Variants in ACKR2 observed in about 807,000 individuals in gnomAD.
The protein encoded by ACKR2 is C-C chemokine receptor D6.
For missense variants in ACKR2, 457 were observed against 477.3 expected (o/e 0.96, Z 0.40); for synonymous variants, 207 against 192.2 (o/e 1.08, Z -0.64).
chr3:42,825,882 A>T (rs1221603655), intron 2 of ACKR2, among the ~76,000 whole-genome samples: 2 of 126,594 alleles, frequency 1.6e-5, no homozygotes. Context: ...TTTTTTGTAG[A>T]TACCATTAAT....
At chr3:42,860,171 A>AG (rs2088368066) in intron 2 of ACKR2, among the ~76,000 whole-genome samples, 1 of 133,422 alleles carries the variant, frequency 7.5e-6, no homozygotes, top group Non-Finnish European at 1.6e-5. Context: ...AAGCAAAAAA[A>AG]AAAAAAAAAA....
chr3:42,838,831 A>C (rs1403369012), intron 2 of ACKR2, among the ~76,000 whole-genome samples: 1 of 152,224 alleles, frequency 6.6e-6, no homozygotes, highest in Non-Finnish European at 1.5e-5. Context: ...GAATGGATTA[A>C]ACTGTGGTGC....
In ACKR2 at chr3:42,811,476, A is replaced by G. The variant is rs1700693804; in HGVS notation, c.-119+1944A>G. On this transcript the variant is annotated intron_variant, in intron 1 of 2. Coordinates refer to ENST00000422265, the MANE Select transcript of ACKR2 (RefSeq NM_001296.5). ...TCTCGATTAACCAGGGGCATAACGA[A>G]CTGCGGAAAGCCGCAGGGACCTCTG... Among the ~76,000 whole-genome samples, 3 of 152,208 alleles carry G rather than the reference A, an allele frequency of 2.0e-5. No homozygotes were observed. In the South Asian group the frequency reaches 6.2e-4, roughly 32 times the overall value.
At chr3:42,849,801 G>A (rs967130159) in intron 2 of ACKR2, among the ~76,000 whole-genome samples, 4 of 152,090 alleles carry the variant, frequency 2.6e-5, no homozygotes, top group African/African-American at 9.7e-5. Flanking sequence ...CATTCAGTTT[G>A]GTTACAGTTC....
chr3:42,834,575 A>AATTT (rs1214863517), intron 2 of ACKR2: 1 of 151,594 alleles, frequency 6.6e-6, no homozygotes, highest in Non-Finnish European at 1.5e-5. Context: ...TTAATTAATT[A>AATTT]ATTTATTTAT....
At chr3:42,810,407 A>AC (rs71941559) in intron 1 of ACKR2, among the ~76,000 whole-genome samples, 4,479 of 145,738 alleles carry the variant, frequency 0.031, 87 homozygotes, top group Middle Eastern at 0.062. Flanking sequence ...AATTCATAGT[A>AC]CCCCCCCCCA....
chr3:42,834,054 C>CGG (rs1700960159), intron 2 of ACKR2, among the ~76,000 whole-genome samples: 2 of 152,186 alleles, frequency 1.3e-5, no homozygotes, highest in African/African-American at 4.8e-5. Context: ...CCTCCACCTT[C>CGG]TAGGTTCAAG....
intron 1 of ACKR2, among the ~76,000 whole-genome samples, chr3:42,814,029 T>C (rs765569355): frequency 1.3e-5 from 2 of 152,184 alleles, no homozygotes; most frequent in Non-Finnish European, 2.9e-5. Flanking sequence ...TTGTTGCCTG[T>C]TTGTGGGAGA....
chr3:42,859,667 C>T (rs537708630), intron 2 of ACKR2, among the ~76,000 whole-genome samples: 14 of 152,114 alleles, frequency 9.2e-5, no homozygotes, highest in South Asian at 4.2e-4. Context: ...AGACGTGAGC[C>T]GCCGCGCCTG....
At chr3:42,845,831 A>C (rs915987884) in intron 2 of ACKR2, among the ~76,000 whole-genome samples, 17 of 149,080 alleles carry the variant, frequency 1.1e-4, no homozygotes, top group Middle Eastern at 3.2e-3. Context: ...CCTGGGCGAC[A>C]GAGCAAGACT....
At chr3:42,835,749 G>A (rs977370616) in intron 2 of ACKR2, 3 of 152,102 alleles carry the variant, frequency 2.0e-5, no homozygotes, top group African/African-American at 7.3e-5. Flanking sequence ...TTTTTCCTTG[G>A]CTGCATTAAA....
At chr3:42,848,891 C>T (rs754278386) in intron 2 of ACKR2, among the ~76,000 whole-genome samples, 1 of 152,148 alleles carries the variant, frequency 6.6e-6, no homozygotes, top group Non-Finnish European at 1.5e-5. Context: ...CCAAAATACA[C>T]AACCTCAGTC....
chr3:42,865,520 GC>G lies in ACKR2; in HGVS notation c.1021del (p.Gln341ArgfsTer19), dbSNP rs1287881369. On this transcript the variant is annotated frameshift_variant, in exon 3 of 3. Coordinates refer to ENST00000422265, the MANE Select transcript of ACKR2 (RefSeq NM_001296.5). LOFTEE classifies it low-confidence loss of function (END_TRUNC). ...VLGWHLAPGTAQASLSSCSES... is the reference protein window; with the variant it reads ...VLGWHLAPGTXQASLSSCSES... ...TGGATGGCACCTGGCACCTGGCACT[GC>G]CCAGGCCTCATTATCCAGCTGTTCT... 1 of 1,614,118 alleles carries G rather than the reference GC, an allele frequency of 6.2e-7. No individual in the cohort carries two copies.
intron 2 of ACKR2, among the ~76,000 whole-genome samples, chr3:42,821,929 C>T (rs981960783): frequency 2.6e-5 from 4 of 152,008 alleles, no homozygotes; most frequent in Non-Finnish European, 4.4e-5. Context: ...ATCTCCTGAC[C>T]TCGTGATCCG....
intron 2 of ACKR2, among the ~76,000 whole-genome samples, chr3:42,839,933 T>C (rs1701019557): frequency 6.6e-6 from 1 of 152,074 alleles, no homozygotes; most frequent in African/African-American, 2.4e-5. Flanking sequence ...GCAGCTAATT[T>C]TGGGTGTGGG....
Position 42,865,262 on chromosome 3 carries a change from G to A in ACKR2, c.760G>A (p.Ala254Thr), listed in dbSNP as rs555778861. 6.2e-7 allele frequency: 1 copy of A among 1,614,218 alleles called. No homozygotes were observed. The highest frequency in any genetic ancestry group is 2.2e-5 in the East Asian group (1 of 44,878). Residue 254 changes from alanine to threonine, a missense_variant, in exon 3 of 3, where the codon GCC becomes ACC. Physicochemically the swap from Ala to Thr is moderately conservative, Grantham distance 58. Coordinates refer to ENST00000422265, the MANE Select transcript of ACKR2 (RefSeq NM_001296.5). ...GQGRALKIAAALVVAFFVLWF... is the reference protein window; with the variant it reads ...GQGRALKIAATLVVAFFVLWF... The stretch of plus-strand genomic sequence containing the variant: ...GGGCCGGGCTTTAAAAATAGCTGCA[G>A]CCTTGGTGGTGGCCTTCTTCGTGCT...
chr3:42,865,388 G>A lies in ACKR2; in HGVS notation c.886G>A (p.Val296Ile). The A allele has an allele frequency of 6.2e-7, 1 of 1,614,158 alleles. No individual in the cohort carries two copies. Among genetic ancestry groups the A allele is most frequent in the Non-Finnish European group, 8.5e-7 (1 of 1,180,030 alleles). The change falls in exon 3 of 3, where the codon GTA becomes ATA. Residue 296 changes from valine to isoleucine, a missense_variant. By Grantham distance (29) the Val-to-Ile change is conservative. Transcript: ENST00000422265. Reference protein sequence around the residue: ...VSQHLDYALQVTESIAFLHCC... With the variant: ...VSQHLDYALQITESIAFLHCC... ...CCAGCATCTAGACTACGCACTCCAG[G>A]TAACAGAGAGCATCGCCTTCCTTCA...
In ACKR2 at chr3:42,856,409, C is replaced by A. The variant is rs923705735; in HGVS notation, c.-37-8057C>A. ...TGAATAGTTCCATCAGCCATGAGAT[C>A]ATGGTATCATAGATACTTTGGGTCA... On this transcript the variant is annotated intron_variant, in intron 2 of 2. Coordinates refer to ENST00000422265, the MANE Select transcript of ACKR2 (RefSeq NM_001296.5). 15 of 702,654 alleles carry A rather than the reference C, an allele frequency of 2.1e-5. No individual in the cohort carries two copies. The Admixed American group carries it at 3.0e-4, about 14-fold the overall frequency. The allele number at this position is 702,654 out of a possible 1,614,324, so 43.5% of individuals were successfully genotyped here.
intron 2 of ACKR2, among the ~76,000 whole-genome samples, chr3:42,821,753 G>A (rs990105567): frequency 4.6e-5 from 7 of 151,896 alleles, no homozygotes; most frequent in African/African-American, 1.7e-4. Context: ...CTGGAGTGCA[G>A]TGGCGCTATC....
Sources: gnomAD v4.1 joint callset for allele counts (sites outside exome capture counted in the v4.1 genomes callset) on GRCh38, gnomAD v4.1.1 for gene constraint, MANE v1.5 for transcripts, NCBI Gene and HGNC (gene_info 2026-07-23, HGNC 2026-07-21) for gene names.